The following ITPRID1 variants were observed in gnomAD, a reference collection of about 807,000 sequenced individuals.
ITPRID1 encodes ITPR interacting domain containing 1.
In ITPRID1, 96 loss-of-function variants were observed where a neutral mutation model predicts 95.4. The ratio of observed to expected loss-of-function variants is 1.01; its 90% confidence interval spans 0.85 to 1.19. ITPRID1 has a LOEUF of 1.19. ITPRID1 is among the 50% of genes most tolerant of loss of function. The pLI is 0.00. For synonymous variants in ITPRID1, 510 were observed against 453.6 expected (o/e 1.12, Z -1.58); for missense variants, 1,339 against 1,252.9 (o/e 1.07, Z -1.04).
intron 5 of ITPRID1, among the ~76,000 whole-genome samples, chr7:31,560,126 A>G (rs1199859310): frequency 6.6e-6 from 1 of 152,078 alleles, no homozygotes; most frequent in African/African-American, 2.4e-5. Flanking sequence ...AAGGAGGGGA[A>G]CATTTGTTAT....
intron 1 of ITPRID1, among the ~76,000 whole-genome samples, chr7:31,528,602 C>T (rs192197617): frequency 3.0e-4 from 45 of 152,184 alleles, no homozygotes; most frequent in Admixed American, 1.6e-3. Context: ...TCTTAAGAGA[C>T]GAGAGATCTC....
In ITPRID1 at chr7:31,643,401, G is replaced by A; in HGVS notation, c.2031G>A (p.Val677=). The A allele has an allele frequency of 6.2e-7, 1 of 1,613,978 alleles. No individual in the cohort carries two copies. The highest frequency in any genetic ancestry group is 8.5e-7 in the Non-Finnish European group (1 of 1,179,898). ...AACTGCCTGGAGATCCTGCCCAGGT[G>A]AAGTCAAGGTCTGGTACTTTGGGTC... ...LHKLPGDPAQ[V]KSRSGTLGQI... Residue 677 remains valine, a synonymous_variant, in exon 12 of 15, where the codon GTG becomes GTA. Coordinates refer to ENST00000615280, the MANE Select transcript of ITPRID1 (RefSeq NM_001257967.3).
At chr7:31,611,374 A>G (rs1786861660) in intron 10 of ITPRID1, among the ~76,000 whole-genome samples, 1 of 151,766 alleles carries the variant, frequency 6.6e-6, no homozygotes, top group South Asian at 2.1e-4. Context: ...TTACAAGCAA[A>G]AATACATTTT....
At chr7:31,539,176 T>TTTTTTG (rs902194155) in intron 1 of ITPRID1, among the ~76,000 whole-genome samples, 3 of 152,094 alleles carry the variant, frequency 2.0e-5, no homozygotes, top group Non-Finnish European at 4.4e-5. Flanking sequence ...GAACATAAGT[T>TTTTTTG]TTTTTGTTTT....
intron 1 of ITPRID1, among the ~76,000 whole-genome samples, chr7:31,537,634 TATA>T (rs1783802465): frequency 6.6e-6 from 1 of 152,212 alleles, no homozygotes; most frequent in Admixed American, 6.5e-5. Context: ...CTTTTTATGC[TATA>T]TTTTAATGTT....
chr7:31,601,856 CT>C (rs2128160227), intron 10 of ITPRID1, among the ~76,000 whole-genome samples: 1 of 152,302 alleles, frequency 6.6e-6, no homozygotes, highest in African/African-American at 2.4e-5. Context: ...GACCAGAACA[CT>C]GGTGGAGAAC....
chr7:31,597,292 A>G (rs974874558), intron 10 of ITPRID1, among the ~76,000 whole-genome samples: 17 of 152,042 alleles, frequency 1.1e-4, no homozygotes, highest in Admixed American at 1.0e-3. Flanking sequence ...GCAGAAAAAC[A>G]ACTCAATAAG....
At chr7:31,575,622 C>T (rs1038174822) in intron 8 of ITPRID1, among the ~76,000 whole-genome samples, 2 of 152,148 alleles carry the variant, frequency 1.3e-5, no homozygotes, top group Non-Finnish European at 2.9e-5. Context: ...CACTTAAATA[C>T]AAAAGGCCTC....
At chr7:31,578,640 T>C (rs887070929) in intron 9 of ITPRID1, among the ~76,000 whole-genome samples, 1 of 152,314 alleles carries the variant, frequency 6.6e-6, no homozygotes, top group East Asian at 1.9e-4. Flanking sequence ...CTTGCTCCAG[T>C]ATCTTTCCTT....
At chr7:31,557,870 C>G (rs567601430) in intron 5 of ITPRID1, among the ~76,000 whole-genome samples, 1 of 152,140 alleles carries the variant, frequency 6.6e-6, no homozygotes, top group African/African-American at 2.4e-5. Context: ...ATTTACTACA[C>G]GTGTTATGCG....
intron 10 of ITPRID1, among the ~76,000 whole-genome samples, chr7:31,628,394 A>T (rs1181229790): frequency 6.6e-6 from 1 of 152,028 alleles, no homozygotes; most frequent in Non-Finnish European, 1.5e-5. Flanking sequence ...GGAGCCAGGA[A>T]TCCCACATCT....
chr7:31,531,158 A>T (rs1196850556), intron 1 of ITPRID1, among the ~76,000 whole-genome samples: 3 of 152,212 alleles, frequency 2.0e-5, no homozygotes, highest in Non-Finnish European at 2.9e-5. Context: ...AGAATATCAG[A>T]GCATAGTTTA....
At chr7:31,603,395 T>G (rs1222065231) in intron 10 of ITPRID1, among the ~76,000 whole-genome samples, 1 of 149,294 alleles carries the variant, frequency 6.7e-6, no homozygotes, top group African/African-American at 2.5e-5. Flanking sequence ...ACACCTTCCC[T>G]CCCCCTCCCC....
At chr7:31,639,359 C>T (rs1789789131) in intron 10 of ITPRID1, among the ~76,000 whole-genome samples, 1 of 152,038 alleles carries the variant, frequency 6.6e-6, no homozygotes, top group African/African-American at 2.4e-5. Flanking sequence ...TTTTCTTCTG[C>T]AGTCTCTAAT....
At chr7:31,638,455 G>T (rs1185112756) in intron 10 of ITPRID1, among the ~76,000 whole-genome samples, 1 of 152,092 alleles carries the variant, frequency 6.6e-6, no homozygotes, top group East Asian at 1.9e-4. Flanking sequence ...ATAATAACAG[G>T]TGTTTATGTT....
intron 6 of ITPRID1, among the ~76,000 whole-genome samples, chr7:31,570,642 G>T (rs184072475): frequency 2.0e-5 from 3 of 152,206 alleles, no homozygotes; most frequent in Admixed American, 2.0e-4. Flanking sequence ...AGCTATAAAA[G>T]ACCACAGAAA....
chr7:31,607,360 G>A (rs1326708711), intron 10 of ITPRID1, among the ~76,000 whole-genome samples: 2 of 152,108 alleles, frequency 1.3e-5, no homozygotes, highest in African/African-American at 4.8e-5. Flanking sequence ...AGCTTCCTAA[G>A]AAATAAGGAA....
At chr7:31,554,591 A>G (rs1784389368) in intron 4 of ITPRID1, 68 bp downstream of exon 4, 1 of 1,590,930 alleles carries the variant, frequency 6.3e-7, no homozygotes, top group Non-Finnish European at 8.6e-7. Flanking sequence ...CAATGTGTGT[A>G]ACTCTGCCTG....
In ITPRID1 at chr7:31,643,926, G is replaced by C. The variant is rs1267214624; in HGVS notation, c.2556G>C (p.Gln852His). The C allele has an allele frequency of 1.2e-6, 2 of 1,613,064 alleles. No individual in the cohort carries two copies. The highest frequency in any genetic ancestry group is 3.3e-5 in the Admixed American group (2 of 59,956). Residue 852 changes from glutamine (Q) to histidine (H), a missense_variant, in exon 12 of 15, where the codon CAG becomes CAC. Transcript: ENST00000615280. Reference sequence around the variant, plus strand: ...TCATGACGACTTTGAAAGCCCTTCAGGACACTACAGTGAGGGAGCTATGTT... The same window carrying C: ...TCATGACGACTTTGAAAGCCCTTCACGACACTACAGTGAGGGAGCTATGTT... ...AQFMTTLKAL[Q>H]DTTVRELCSC...
Sources: allele counts gnomAD v4.1 joint callset (sites outside exome capture counted in the v4.1 genomes callset), GRCh38; gene constraint gnomAD v4.1.1; transcripts MANE v1.5; gene names NCBI Gene and HGNC (gene_info 2026-07-23, HGNC 2026-07-21).